The following PAIP2 variants were observed in gnomAD, a reference collection of about 807,000 sequenced individuals.
The protein encoded by PAIP2 is polyadenylate-binding protein-interacting protein 2.
PAIP2 carries 7 observed loss-of-function variants against 14.8 expected under a neutral mutation model. The observed-to-expected ratio is 0.47, with a 90% CI of 0.27 to 0.89. PAIP2 has a LOEUF of 0.89. Among genes scored for constraint, PAIP2 ranks in the 40% least tolerant of loss-of-function variants. The pLI is 0.13. For synonymous variants in PAIP2, 47 were observed against 45.3 expected (o/e 1.04, Z -0.15); for missense variants, 122 against 154.7 (o/e 0.79, Z 1.12).
chr5:139,347,055 T>C (rs1756573094), intron 1 of PAIP2, among the ~76,000 whole-genome samples: 1 of 151,792 alleles, frequency 6.6e-6, no homozygotes, highest in African/African-American at 2.4e-5. Context: ...GTGATCCACC[T>C]CCCTTGGCCT....
In PAIP2 at chr5:139,368,809, C is replaced by A; in HGVS notation, c.*11C>A. 1 of 1,596,618 alleles carries A rather than the reference C, an allele frequency of 6.3e-7. No homozygotes were observed. The highest frequency in any genetic ancestry group is 8.6e-7 in the Non-Finnish European group (1 of 1,164,578). On this transcript the variant is annotated 3_prime_UTR_variant, in exon 4 of 4. Coordinates refer to ENST00000265192, the MANE Select transcript of PAIP2 (RefSeq NM_016480.5). Reference sequence around the variant, plus strand: ...TACGGAAATATTTGAGTAGACGGGGCCCTCTTTTGGTGGATGTAGCACAAT... The same window carrying A: ...TACGGAAATATTTGAGTAGACGGGGACCTCTTTTGGTGGATGTAGCACAAT...
chr5:139,358,826 A>G (rs1455395313), intron 1 of PAIP2, among the ~76,000 whole-genome samples: 1 of 152,232 alleles, frequency 6.6e-6, no homozygotes, highest in Admixed American at 6.5e-5. Context: ...CTATAGAGAC[A>G]GAAAGTAGAC....
At chr5:139,349,830 C>T (rs898693915) in intron 1 of PAIP2, among the ~76,000 whole-genome samples, 9 of 151,902 alleles carry the variant, frequency 5.9e-5, no homozygotes, top group African/African-American at 1.7e-4. Flanking sequence ...GGTGAAACCC[C>T]GTTTCTACTA....
At chr5:139,353,296 GTT>G (rs1361244525) in intron 1 of PAIP2, among the ~76,000 whole-genome samples, 4 of 152,056 alleles carry the variant, frequency 2.6e-5, no homozygotes, top group African/African-American at 7.2e-5. Flanking sequence ...TTTCCTCTAA[GTT>G]TTAATTATTT....
chr5:139,360,194 C>T (rs1347942441), intron 1 of PAIP2, among the ~76,000 whole-genome samples: 3 of 151,830 alleles, frequency 2.0e-5, no homozygotes, highest in South Asian at 2.1e-4. Flanking sequence ...CTCGAACTCC[C>T]GATCTCGTGA....
intron 1 of PAIP2, among the ~76,000 whole-genome samples, chr5:139,357,958 GT>G (rs1756964042): frequency 6.6e-6 from 1 of 152,160 alleles, no homozygotes; most frequent in Non-Finnish European, 1.5e-5. Flanking sequence ...CCACAGAGGT[GT>G]TTTACCAGAA....
intron 1 of PAIP2, among the ~76,000 whole-genome samples, chr5:139,360,315 C>T (rs1757031872): frequency 6.6e-6 from 1 of 152,024 alleles, no homozygotes; most frequent in Non-Finnish European, 1.5e-5. Flanking sequence ...AACTTGCTAT[C>T]AAAATAGTTT....
At chr5:139,346,049 A>G (rs992346564) in intron 1 of PAIP2, among the ~76,000 whole-genome samples, 16 of 152,278 alleles carry the variant, frequency 1.1e-4, no homozygotes, top group Middle Eastern at 3.4e-3. Flanking sequence ...CTGGAAACCA[A>G]TATGTCTAAG....
intron 1 of PAIP2, among the ~76,000 whole-genome samples, chr5:139,344,342 CTG>C (rs1044430657): frequency 6.6e-6 from 1 of 152,250 alleles, no homozygotes; most frequent in Non-Finnish European, 1.5e-5. Context: ...CGTCTTCTGA[CTG>C]TGGTCTAAGA....
chr5:139,355,725 C>T (rs1356309042), intron 1 of PAIP2, among the ~76,000 whole-genome samples: 11 of 151,580 alleles, frequency 7.3e-5, no homozygotes, highest in South Asian at 6.3e-4. Context: ...GGTGTGGTGG[C>T]GGGCGCCTGT....
At chr5:139,352,065 T>C (rs1756750110) in intron 1 of PAIP2, among the ~76,000 whole-genome samples, 2 of 152,156 alleles carry the variant, frequency 1.3e-5, no homozygotes, top group South Asian at 2.1e-4. Flanking sequence ...AAATTTGATA[T>C]CTGAACTGTT....
Position 139,346,471 on chromosome 5 carries a change from T to G in PAIP2, c.-27+4491T>G, listed in dbSNP as rs567933989. Among the ~76,000 whole-genome samples, 3 of 152,090 alleles carry G rather than the reference T, an allele frequency of 2.0e-5. No homozygotes were observed. The East Asian group carries it at 5.8e-4, about 30-fold the overall frequency. ...CCAGGATGGTCTCAATCTCTTGACC[T>G]CATGATCCACCCCCTTGGCCTCCCA... On this transcript the variant is annotated intron_variant, in intron 1 of 3. Coordinates refer to ENST00000265192, the MANE Select transcript of PAIP2 (RefSeq NM_016480.5).
Position 139,364,701 on chromosome 5 carries a change from T to C in PAIP2, c.276T>C (p.Asn92=). 1 of 1,613,298 alleles carries C rather than the reference T, an allele frequency of 6.2e-7. No homozygotes were observed. Among genetic ancestry groups the C allele is most frequent in the Non-Finnish European group, 8.5e-7 (1 of 1,179,334 alleles). The change falls in exon 3 of 4, where the codon AAT becomes AAC. Residue 92 remains asparagine (N), a synonymous_variant. Coordinates refer to ENST00000265192, the MANE Select transcript of PAIP2 (RefSeq NM_016480.5). ...QTMDQIQDQF[N]DLVISDGSSL... ...TGGACCAAATCCAAGACCAGTTTAATGACCTTGTTATCAGTGATGGCTCTT... is the reference window on the plus strand; with the variant it reads ...TGGACCAAATCCAAGACCAGTTTAACGACCTTGTTATCAGTGATGGCTCTT...
intron 2 of PAIP2, 92 bp from the exon 3 acceptor site, chr5:139,364,472 G>T: frequency 1.5e-6 from 1 of 686,514 alleles, no homozygotes; most frequent in Non-Finnish European, 2.4e-6. Flanking sequence ...GTATGACTTT[G>T]TGCCTTTAAA....
intron 3 of PAIP2, among the ~76,000 whole-genome samples, chr5:139,366,002 C>T (rs959413198): frequency 6.6e-6 from 1 of 151,990 alleles, no homozygotes; most frequent in Non-Finnish European, 1.5e-5. Context: ...GAGTTCGAGA[C>T]CAGCCTGACC....
At chr5:139,364,378 A>G (rs1757155859) in intron 2 of PAIP2, among the ~76,000 whole-genome samples, 186 bp from the exon 3 acceptor site, 2 of 152,130 alleles carry the variant, frequency 1.3e-5, no homozygotes, top group African/African-American at 4.8e-5. Context: ...AAAAGTAAAA[A>G]CATAGAAAAA....
At chr5:139,350,304 G>A (rs1756688589) in intron 1 of PAIP2, among the ~76,000 whole-genome samples, 1 of 152,012 alleles carries the variant, frequency 6.6e-6, no homozygotes, top group South Asian at 2.1e-4. Context: ...TAAAAAAGAT[G>A]AGTGTAATAT....
intron 1 of PAIP2, among the ~76,000 whole-genome samples, chr5:139,357,938 G>A (rs1179517343): frequency 6.6e-6 from 1 of 152,206 alleles, no homozygotes; most frequent in Non-Finnish European, 1.5e-5. Flanking sequence ...CACTAGGGTA[G>A]TTTAAAATAC....
chr5:139,352,537 G>A (rs1168884015), intron 1 of PAIP2, among the ~76,000 whole-genome samples: 1 of 97,754 alleles, frequency 1.0e-5, no homozygotes, highest in African/African-American at 3.3e-5. Context: ...CGTCCTTGTT[G>A]CCCAGGCTGG....
Sources: allele counts gnomAD v4.1 joint callset (sites outside exome capture counted in the v4.1 genomes callset), GRCh38; gene constraint gnomAD v4.1.1; transcripts MANE v1.5; gene names NCBI Gene and HGNC (gene_info 2026-07-23, HGNC 2026-07-21).